Variants in ITGAD observed in about 807,000 individuals in gnomAD.
The protein encoded by ITGAD is integrin subunit alpha D, also known as integrin alpha-D.
Under a neutral mutation model 139.0 loss-of-function variants are expected in ITGAD, and 105 were observed. The observed-to-expected ratio is 0.76, with a 90% CI of 0.65 to 0.89. The LOEUF is 0.89. Among genes scored for constraint, ITGAD ranks in the 40% least tolerant of loss-of-function variants. The pLI, the probability that ITGAD is intolerant of heterozygous loss-of-function variation, is 0.00. For synonymous variants in ITGAD, 569 were observed against 598.3 expected, an observed-to-expected ratio of 0.95 and a Z score of 0.71; for missense variants, 1,384 against 1,487.3, an observed-to-expected ratio of 0.93 and a Z score of 1.14.
chr16:31,414,874 T>C lies in ITGAD; in HGVS notation c.2166T>C (p.Asp722=). The C allele has an allele frequency of 6.2e-7, 1 of 1,614,000 alleles. No individual in the cohort carries two copies. Among genetic ancestry groups the C allele is most frequent in the Non-Finnish European group, 8.5e-7 (1 of 1,179,978 alleles). Residue 722 remains aspartate, a synonymous_variant, in exon 18 of 30, where the codon GAT becomes GAC. Coordinates refer to ENST00000389202, the MANE Select transcript of ITGAD (RefSeq NM_005353.3). ...LKLLLPDCVE[D]VVSPIILHLN... ...TTCTCTCTCAGGATTGTGTGGAGGA[T>C]GTGGTGAGCCCCATCATTCTGCACC...
Position 31,418,432 on chromosome 16 carries a change from G to C in ITGAD, c.2697-49G>C, listed in dbSNP as rs748206661. 1.9e-6 allele frequency: 3 copies of C among 1,608,320 alleles called. No homozygotes were observed. The Admixed American group carries it at 5.0e-5, about 27-fold the overall frequency. On this transcript the variant is annotated intron_variant, in intron 22 of 29. Coordinates refer to ENST00000389202, the MANE Select transcript of ITGAD (RefSeq NM_005353.3). The stretch of plus-strand genomic sequence containing the variant: ...CCCTCCATCGCATGCCCCGGCTAGA[G>C]ACCCCTCTCCTGGATTCCTTCCCAT...
In ITGAD at chr16:31,394,336, A is replaced by T; in HGVS notation, c.132A>T (p.Gly44=). The stretch of plus-strand genomic sequence containing the variant: ...GGCAGAGCGTGGTGCAGTTCGGTGG[A>T]TCTCGGTAGGCCCCACTCACCCTCC... ...GFGQSVVQFG[G]SRLVVGAPLE... The change falls in exon 2 of 30, where the codon GGA becomes GGT. Residue 44 remains glycine, a synonymous_variant. Coordinates refer to ENST00000389202, the MANE Select transcript of ITGAD (RefSeq NM_005353.3). The T allele has an allele frequency of 6.2e-7, 1 of 1,611,510 alleles. No individual in the cohort carries two copies.
At position 31,426,021 on chromosome 16, in the gene ITGAD, T is replaced by G; in HGVS notation, c.3379T>G (p.Phe1127Val). 1 of 1,611,506 alleles carries G rather than the reference T, an allele frequency of 6.2e-7. No homozygotes were observed. The highest frequency in any genetic ancestry group is 8.5e-7 in the Non-Finnish European group (1 of 1,177,628). Residue 1127 changes from phenylalanine to valine, a missense_variant, in exon 30 of 30, where the codon TTC becomes GTC. Coordinates refer to ENST00000389202, the MANE Select transcript of ITGAD (RefSeq NM_005353.3). Reference protein sequence around the residue: ...LITATLYKLGFFKRHYKEMLE... With the variant: ...LITATLYKLGVFKRHYKEMLE... ...AATTTATTTCCCCTGATAGCTTGGC[T>G]TCTTCAAACGCCACTACAAGGAAAT...
intron 29 of ITGAD, among the ~76,000 whole-genome samples, chr16:31,425,185 C>T (rs1448511568): frequency 2.6e-5 from 4 of 152,146 alleles, no homozygotes. Flanking sequence ...GATTCTCATG[C>T]CTCAGCTTCC....
chr16:31,397,706 C>CG (rs1597105855), intron 4 of ITGAD, 40 bp downstream of exon 4: 18 of 300,658 alleles, frequency 6.0e-5, no homozygotes, highest in East Asian at 7.7e-5. Flanking sequence ...TGGGGTGGGG[C>CG]GGGGGGTGTT....
chr16:31,411,216 G>C lies in ITGAD; in HGVS notation c.1497G>C (p.Gly499=). 6.2e-7 allele frequency: 1 copy of C among 1,613,236 alleles called. No individual in the cohort carries two copies. Among genetic ancestry groups the C allele is most frequent in the Non-Finnish European group, 8.5e-7 (1 of 1,179,520 alleles). ...GQVSVCPLPR[G]RVQWQCDAVL... is the part of the protein sequence containing the mutation. ...TGTCCGTGTGTCCCTTGCCTAGGGG[G>C]GTGAGTGGCTGATGGGACCTAGGCT... Residue 499 remains glycine (G), a splice_region_variant and synonymous_variant, in exon 13 of 30, where the codon GGG becomes GGC. Transcript: ENST00000389202.
rs893222083 is a variant in ITGAD, at chr16:31,424,448, T to C, written c.3262-19T>C. The stretch of plus-strand genomic sequence containing the variant: ...TCTGGGATGGCATGAGGCCGGATGC[T>C]CTCTGATCTCTAAATCAGATGGAGA... On this transcript the variant is annotated intron_variant, in intron 28 of 29. Coordinates refer to ENST00000389202, the MANE Select transcript of ITGAD (RefSeq NM_005353.3). 2 of 1,588,430 alleles carry C rather than the reference T, an allele frequency of 1.3e-6. No individual in the cohort carries two copies. Among genetic ancestry groups the C allele is most frequent in the Admixed American group, 3.4e-5 (2 of 59,576 alleles).
intron 1 of ITGAD, 90 bp from the exon 2 acceptor site, chr16:31,394,146 A>AAG: frequency 2.9e-5 from 22 of 757,718 alleles, no homozygotes; most frequent in Non-Finnish European, 4.2e-5. Context: ...AAAAAAAAAA[A>AAG]AAAAGAAAAA....
intron 18 of ITGAD, among the ~76,000 whole-genome samples, chr16:31,415,811 C>G (rs1457649375): frequency 6.6e-6 from 1 of 152,212 alleles, no homozygotes; most frequent in African/African-American, 2.4e-5. Flanking sequence ...TATCACATGG[C>G]TGTTATAACC....
At position 31,414,596 on chromosome 16, in the gene ITGAD, G is replaced by T. The variant is rs760362020; in HGVS notation, c.2142G>T (p.Leu714=). ...GLGIHCETLK[L]LLPDCVEDVV... is the part of the protein sequence containing the mutation. ...GGATTCACTGTGAAACCCTGAAGCT[G>T]CTTTTGCCAGTGAGGACTTTGGGTT... Residue 714 remains leucine (L), a synonymous_variant, in exon 17 of 30, where the codon CTG becomes CTT. Transcript: ENST00000389202. The T allele has an allele frequency of 1.9e-6, 3 of 1,614,110 alleles. No homozygotes were observed. Among genetic ancestry groups the T allele is most frequent in the Non-Finnish European group, 2.5e-6 (3 of 1,179,964 alleles).
chr16:31,414,406 A>G, intron 16 of ITGAD, 45 bp from the exon 17 acceptor site: 2 of 1,595,932 alleles, frequency 1.3e-6, no homozygotes, highest in Non-Finnish European at 1.7e-6. Flanking sequence ...AGAGCATTCT[A>G]GGTTATTTCT....
At chr16:31,395,750 G>A (rs2081250100) in intron 2 of ITGAD, among the ~76,000 whole-genome samples, 2 of 152,058 alleles carry the variant, frequency 1.3e-5, no homozygotes, top group African/African-American at 2.4e-5. Flanking sequence ...GGTCTGGGGG[G>A]CGCAGGCAGG....
At position 31,412,834 on chromosome 16, in the gene ITGAD, C is replaced by A. The variant is rs1019640571; in HGVS notation, c.1708-4C>A. 6.2e-7 allele frequency: 1 copy of A among 1,613,862 alleles called. No individual in the cohort carries two copies. On this transcript the variant is annotated splice_region_variant and splice_polypyrimidine_tract_variant and intron_variant, in intron 14 of 29. Transcript: ENST00000389202. ...CCTGATTCACCCTTTTCTCTTCTGG[C>A]CAGCGGATTGCCAGCTCCCAGCTCT...
rs978209171 is a variant in ITGAD at position 31,413,312 on chromosome 16, G to A, written c.1996+66G>A. ...ATTAGGGGCCCCAATGCCATCCTGAGGATGGGATGGGCCTAGGAATCCAAT... is the reference window on the plus strand; with the variant it reads ...ATTAGGGGCCCCAATGCCATCCTGAAGATGGGATGGGCCTAGGAATCCAAT... On this transcript the variant is annotated intron_variant, in intron 16 of 29. Transcript: ENST00000389202. 7 of 1,532,554 alleles carry A rather than the reference G, an allele frequency of 4.6e-6. No individual in the cohort carries two copies. The Admixed American group carries it at 9.3e-5, about 20-fold the overall frequency. The allele number at this position is 1,532,554 out of a possible 1,614,324, so 94.9% of individuals were successfully genotyped here. A position where few individuals can be genotyped will look rare whatever the true frequency, so the allele number is the denominator to read the frequency against.
At chr16:31,422,192 A>C (rs535955941) in intron 23 of ITGAD, among the ~76,000 whole-genome samples, 2 of 150,260 alleles carry the variant, frequency 1.3e-5, no homozygotes, top group East Asian at 3.9e-4. Flanking sequence ...CTTCTGCCTT[A>C]GTCTCTCTAA....
chr16:31,421,845 G>A (rs997838096), intron 23 of ITGAD, among the ~76,000 whole-genome samples: 1 of 152,156 alleles, frequency 6.6e-6, no homozygotes. Context: ...TCAGGCTGAT[G>A]GGGGGTGGAC....
At position 31,426,467 on chromosome 16, in the gene ITGAD, G is replaced by T. The variant is rs2082117575; in HGVS notation, c.*339G>T. ...AGTGCCTCTCTGGGAATAGTCGGGGGAACCTATTTGTGGGCATTGAAAAAG... is the reference window on the plus strand; with the variant it reads ...AGTGCCTCTCTGGGAATAGTCGGGGTAACCTATTTGTGGGCATTGAAAAAG... On this transcript the variant is annotated 3_prime_UTR_variant, in exon 30 of 30. Coordinates refer to ENST00000389202, the MANE Select transcript of ITGAD (RefSeq NM_005353.3). 4.0e-6 allele frequency: 1 copy of T among 252,712 alleles called. No homozygotes were observed. The highest frequency in any genetic ancestry group is 2.3e-5 in the African/African-American group (1 of 44,182). The allele number at this position is 252,712 out of a possible 1,614,324, so 15.7% of individuals were successfully genotyped here. A position where few individuals can be genotyped will look rare whatever the true frequency, so the allele number is the denominator to read the frequency against.
intron 20 of ITGAD, 31 bp downstream of exon 20, chr16:31,416,677 G>C (rs1340114793): frequency 6.3e-7 from 1 of 1,583,940 alleles, no homozygotes. Flanking sequence ...TAGTGGGAGG[G>C]GGCCTCTCCC....
intron 23 of ITGAD, among the ~76,000 whole-genome samples, chr16:31,421,654 C>G (rs888924620): frequency 3.9e-5 from 6 of 152,038 alleles, no homozygotes; most frequent in African/African-American, 1.4e-4. Context: ...CTGGGCACTA[C>G]CAAGCCCTGG....
Sources: gnomAD v4.1 joint callset for allele counts (sites outside exome capture counted in the v4.1 genomes callset) on GRCh38, gnomAD v4.1.1 for gene constraint, MANE v1.5 for transcripts, NCBI Gene and HGNC (gene_info 2026-07-23, HGNC 2026-07-21) for gene names.